The following ZNF90 variants were observed in gnomAD, a reference collection of about 807,000 sequenced individuals.
ZNF90 encodes the protein zinc finger protein HTF9.
A neutral mutation model predicts 12.0 loss-of-function variants in ZNF90; 11 were observed. The observed-to-expected ratio is 0.92, with a 90% CI of 0.58 to 1.52. The LOEUF (loss-of-function observed/expected upper bound fraction) is 1.52, where lower values mean the gene tolerates loss of function less well. Among genes scored for constraint, ZNF90 ranks in the 40% most tolerant of loss-of-function variants. The pLI is 0.00. For missense variants in ZNF90, 765 were observed against 711.5 expected (o/e 1.08, Z -0.86); for synonymous variants, 232 against 240.1 (o/e 0.97, Z 0.31).
At chr19:20,107,138 G>C (rs1384504991) in intron 3 of ZNF90, 6 of 390,450 alleles carry the variant, frequency 1.5e-5, no homozygotes, top group Non-Finnish European at 2.6e-5. Context: ...TGTGGCTCAG[G>C]TAACTGACAC....
intron 1 of ZNF90, among the ~76,000 whole-genome samples, chr19:20,101,165 C>G (rs1166354617): frequency 1.3e-5 from 2 of 152,204 alleles, no homozygotes; most frequent in Non-Finnish European, 2.9e-5. Context: ...CGCTGTGCTC[C>G]TTTGCCACTC....
intron 1 of ZNF90, among the ~76,000 whole-genome samples, chr19:20,092,232 A>T (rs1446741342): frequency 6.6e-6 from 1 of 152,166 alleles, no homozygotes; most frequent in East Asian, 1.9e-4. Context: ...GAGGAAGAAA[A>T]TAGATTTTGG....
rs939737925 is a variant in ZNF90, at chr19:20,078,034, T to G, written c.-99T>G. On this transcript the variant is annotated 5_prime_UTR_variant, in exon 1 of 4. Coordinates refer to ENST00000418063, the MANE Select transcript of ZNF90 (RefSeq NM_007138.2). ...CTTGCTGCAGCTGGTGCTCCAAATCTGGTCTTAGCTGCTTCGTGTCTTCTT... is the reference window on the plus strand; with the variant it reads ...CTTGCTGCAGCTGGTGCTCCAAATCGGGTCTTAGCTGCTTCGTGTCTTCTT... 2 of 1,510,188 alleles carry G rather than the reference T, an allele frequency of 1.3e-6. No individual in the cohort carries two copies. The highest frequency in any genetic ancestry group is 3.4e-5 in the Admixed American group (2 of 59,630). The allele number at this position is 1,510,188 out of a possible 1,614,324, so 93.5% of individuals were successfully genotyped here. A position where few individuals can be genotyped will look rare whatever the true frequency, so the allele number is the denominator to read the frequency against.
chr19:20,095,000 G>A (rs1314935989), intron 1 of ZNF90, among the ~76,000 whole-genome samples: 9 of 152,204 alleles, frequency 5.9e-5, no homozygotes, highest in African/African-American at 1.9e-4. Flanking sequence ...ATTATAGGGT[G>A]GAGGAGTGGA....
At chr19:20,116,827 C>T (rs2089140592) in intron 3 of ZNF90, among the ~76,000 whole-genome samples, 1 of 152,048 alleles carries the variant, frequency 6.6e-6, no homozygotes, top group African/African-American at 2.4e-5. Context: ...CTCTGCTTCT[C>T]TAACATTTAT....
rs1298697208 is a variant in ZNF90 at position 20,086,235 on chromosome 19, T to TC, written c.3+8100_3+8101insC. Among the ~76,000 whole-genome samples, 9 of 103,562 alleles carry TC rather than the reference T, an allele frequency of 8.7e-5. No individual in the cohort carries two copies. The East Asian group carries it at 2.1e-3, about 24-fold the overall frequency. 67.9% of individuals were successfully genotyped at this position (103,562 alleles called of 152,430 possible). ...AAATTAAACAGTATTTTCTTTTCTT[T>TC]TTTTTTTTTTTTTTTTTTTGAGACA... On this transcript the variant is annotated intron_variant, in intron 1 of 3. Transcript: ENST00000418063.
intron 3 of ZNF90, among the ~76,000 whole-genome samples, chr19:20,116,488 T>G (rs1260283007): frequency 1.3e-5 from 2 of 152,252 alleles, no homozygotes; most frequent in African/African-American, 4.8e-5. Flanking sequence ...TTTGGAATTT[T>G]AAAAATTACT....
At chr19:20,105,684 G>T (rs567166188) in intron 3 of ZNF90, among the ~76,000 whole-genome samples, 24 of 152,224 alleles carry the variant, frequency 1.6e-4, no homozygotes, top group African/African-American at 4.8e-4. Flanking sequence ...TTTTGCATCA[G>T]GCCTGAAATG....
At chr19:20,116,499 T>G (rs976095983) in intron 3 of ZNF90, among the ~76,000 whole-genome samples, 1 of 152,242 alleles carries the variant, frequency 6.6e-6, no homozygotes, top group Admixed American at 6.5e-5. Flanking sequence ...AAAAATTACT[T>G]TATATGCTTT....
chr19:20,092,379 A>C (rs922371743), intron 1 of ZNF90, among the ~76,000 whole-genome samples: 12 of 152,190 alleles, frequency 7.9e-5, no homozygotes, highest in Non-Finnish European at 1.6e-4. Context: ...TGTTTGGACA[A>C]AAAGGCTACA....
chr19:20,081,790 C>T (rs558681119), intron 1 of ZNF90, among the ~76,000 whole-genome samples: 24 of 146,982 alleles, frequency 1.6e-4, no homozygotes, highest in South Asian at 4.3e-4. Context: ...TTTGAGATGG[C>T]GTCTCGCTCT....
intron 3 of ZNF90, among the ~76,000 whole-genome samples, chr19:20,105,844 A>G (rs1423911664): frequency 6.6e-6 from 1 of 152,128 alleles, no homozygotes; most frequent in East Asian, 1.9e-4. Context: ...TGCTTTGGCT[A>G]TTCAAAGTTT....
At position 20,083,473 on chromosome 19, in the gene ZNF90, G is replaced by A. The variant is rs144318459; in HGVS notation, c.3+5338G>A. 6.3e-4 allele frequency among the ~76,000 whole-genome samples: 95 copies of A among 151,960 alleles called. No homozygotes were observed. The East Asian group carries it at 0.017, about 27-fold the overall frequency. On this transcript the variant is annotated intron_variant, in intron 1 of 3. Transcript: ENST00000418063. ...CTCCCAAGTAGCTAGTATTATAGGCGTGCACCACCACGTTTGGCTAATTTT... is the reference window on the plus strand; with the variant it reads ...CTCCCAAGTAGCTAGTATTATAGGCATGCACCACCACGTTTGGCTAATTTT...
At chr19:20,111,623 CTTAA>C (rs1446001272) in intron 3 of ZNF90, among the ~76,000 whole-genome samples, 1 of 151,822 alleles carries the variant, frequency 6.6e-6, no homozygotes, top group Admixed American at 6.6e-5. Context: ...ATTTTATTTT[CTTAA>C]TTTTCATTTA....
chr19:20,113,891 A>T lies in ZNF90; in HGVS notation c.227-3890A>T, dbSNP rs545426762. On this transcript the variant is annotated intron_variant, in intron 3 of 3. Transcript: ENST00000418063. ...TCTATCTTATTTTTGTGTGTCAGAAACACTTTTGGATTTGAAGATAATTTC... is the reference window on the plus strand; with the variant it reads ...TCTATCTTATTTTTGTGTGTCAGAATCACTTTTGGATTTGAAGATAATTTC... Among the ~76,000 whole-genome samples, 7 of 152,266 alleles carry T rather than the reference A, an allele frequency of 4.6e-5. No homozygotes were observed. The East Asian group carries it at 1.2e-3, about 25-fold the overall frequency.
intron 2 of ZNF90, 87 bp from the exon 3 acceptor site, chr19:20,105,129 CTATTT>C: frequency 3.4e-6 from 3 of 874,984 alleles, no homozygotes; most frequent in Non-Finnish European, 4.8e-6. Flanking sequence ...ATTTACTAGA[CTATTT>C]TATCACATCT....
chr19:20,109,320 C>T (rs1189463200), intron 3 of ZNF90, among the ~76,000 whole-genome samples: 1 of 152,058 alleles, frequency 6.6e-6, no homozygotes, highest in East Asian at 1.9e-4. Flanking sequence ...AATATGACCC[C>T]AATTTTAGAT....
intron 1 of ZNF90, among the ~76,000 whole-genome samples, chr19:20,100,054 C>T (rs1237274828): frequency 2.6e-5 from 4 of 152,258 alleles, no homozygotes; most frequent in Non-Finnish European, 4.4e-5. Flanking sequence ...GTGGGACCCT[C>T]TATTAGAAAT....
In ZNF90 at chr19:20,118,040, A is replaced by T. The variant is rs782176997; in HGVS notation, c.486A>T (p.Arg162Ser). Residue 162 changes from arginine (R) to serine (S), a missense_variant, in exon 4 of 4, where the codon AGA becomes AGT. By Grantham distance (110) the Arg-to-Ser change is moderately radical. Coordinates refer to ENST00000418063, the MANE Select transcript of ZNF90 (RefSeq NM_007138.2). ...CTCATATATTTTCAAATTCAAACAG[A>T]CATAAGATAAGAGATACTGGAAAAA... ...KVSHIFSNSN[R>S]HKIRDTGKKP... 5 of 1,612,118 alleles carry T rather than the reference A, an allele frequency of 3.1e-6. No homozygotes were observed. In the Admixed American group the frequency reaches 5.0e-5, roughly 16 times the overall value.
Sources: gnomAD v4.1 joint callset for allele counts (sites outside exome capture counted in the v4.1 genomes callset) on GRCh38, gnomAD v4.1.1 for gene constraint, MANE v1.5 for transcripts, NCBI Gene and HGNC (gene_info 2026-07-23, HGNC 2026-07-21) for gene names.